The following ADTRP variants were observed in gnomAD, a reference collection of about 807,000 sequenced individuals.
The protein encoded by ADTRP is androgen dependent TFPI regulating protein.
Under a neutral mutation model 27.0 loss-of-function variants are expected in ADTRP, and 20 were observed. That is an observed-to-expected ratio of 0.74 (90% CI 0.52 to 1.08). The LOEUF (loss-of-function observed/expected upper bound fraction) is 1.08, where lower values mean the gene tolerates loss of function less well. Ranked by LOEUF, ADTRP falls within the 50% of genes least tolerant of loss-of-function variation. The pLI, the probability that ADTRP is intolerant of heterozygous loss-of-function variation, is 0.00. For missense variants in ADTRP, 251 were observed against 275.0 expected, an observed-to-expected ratio of 0.91 and a Z score of 0.62; for synonymous variants, 101 against 105.2, an observed-to-expected ratio of 0.96 and a Z score of 0.25.
At chr6:11,720,506 C>T (rs1019725380) in intron 5 of ADTRP, among the ~76,000 whole-genome samples, 2 of 150,450 alleles carry the variant, frequency 1.3e-5, no homozygotes, top group Non-Finnish European at 3.0e-5. Flanking sequence ...GAGTCTTGCT[C>T]AGTCACCCAG....
intron 1 of ADTRP, among the ~76,000 whole-genome samples, chr6:11,777,483 G>GT (rs1050384570): frequency 1.8e-5 from 1 of 54,718 alleles, no homozygotes; most frequent in African/African-American, 5.1e-5. Context: ...TGTGTGTGTG[G>GT]TTTTTTGTTG....
intron 3 of ADTRP, among the ~76,000 whole-genome samples, chr6:11,750,286 G>A (rs2235410): frequency 0.12 from 17,906 of 152,198 alleles, 1,631 homozygotes; most frequent in East Asian, 0.48. Flanking sequence ...CCTGAATGGC[G>A]GAAAATCCCA....
chr6:11,731,153 C>T (rs1290810942), intron 4 of ADTRP, among the ~76,000 whole-genome samples: 1 of 152,228 alleles, frequency 6.6e-6, no homozygotes, highest in Non-Finnish European at 1.5e-5. Flanking sequence ...CCTTGGAAAA[C>T]TGGACCAAGA....
Position 11,714,134 on chromosome 6 carries a change from T to C in ADTRP, c.*344A>G, listed in dbSNP as rs1761730915. On this transcript the variant is annotated 3_prime_UTR_variant, in exon 6 of 6. Coordinates refer to ENST00000414691, the MANE Select transcript of ADTRP (RefSeq NM_032744.4). ...TTCTCTGTAAACTGAAGAGTTTAAA[T>C]GACTCTAAGTTCCTCTCTCTCTCTC... The C allele has an allele frequency of 3.8e-6, 1 of 261,386 alleles. No homozygotes were observed. The highest frequency in any genetic ancestry group is 2.3e-5 in the African/African-American group (1 of 43,078). 16.2% of individuals were successfully genotyped at this position (261,386 alleles called of 1,614,324 possible). A position where few individuals can be genotyped will look rare whatever the true frequency, so the allele number is the denominator to read the frequency against.
chr6:11,748,764 G>T (rs565183388), intron 3 of ADTRP, among the ~76,000 whole-genome samples: 248 of 152,272 alleles, frequency 1.6e-3, no homozygotes, highest in African/African-American at 5.4e-3. Context: ...CTTGGGCAAG[G>T]GTGCAGTACG....
intron 5 of ADTRP, among the ~76,000 whole-genome samples, chr6:11,715,648 C>T (rs12111298): frequency 7.0e-4 from 85 of 121,154 alleles, no homozygotes; most frequent in African/African-American, 2.7e-3. Flanking sequence ...CTGTTTTTCC[C>T]TTTTTTTTTT....
At position 11,747,161 on chromosome 6, in the gene ADTRP, C is replaced by T. The variant is rs76441708; in HGVS notation, c.391-11478G>A. ...TGGCTCACTTCCTTATCATGGTCTT[C>T]TCAGGAAAAACTGAAACAAAATTTC... On this transcript the variant is annotated intron_variant, in intron 3 of 5. Coordinates refer to ENST00000414691, the MANE Select transcript of ADTRP (RefSeq NM_032744.4). Among the ~76,000 whole-genome samples, 941 of 152,276 alleles carry T rather than the reference C, an allele frequency of 6.2e-3. 13 individuals carry two copies. Among genetic ancestry groups the T allele is most frequent in the African/African-American group, 0.021 (882 of 41,538 alleles).
intron 3 of ADTRP, among the ~76,000 whole-genome samples, chr6:11,759,155 T>G (rs893525685): frequency 6.6e-6 from 1 of 152,148 alleles, no homozygotes; most frequent in African/African-American, 2.4e-5. Context: ...CCAAGCAATG[T>G]CTTTTGTTGG....
intron 4 of ADTRP, among the ~76,000 whole-genome samples, chr6:11,727,348 G>A (rs920037621): frequency 6.8e-6 from 1 of 147,340 alleles, no homozygotes; most frequent in Non-Finnish European, 1.5e-5. Flanking sequence ...GCGTTCCATG[G>A]ATGCATTACA....
At chr6:11,714,746 A>G (rs1406751375) in intron 5 of ADTRP, among the ~76,000 whole-genome samples, 88 of 152,234 alleles carry the variant, frequency 5.8e-4, no homozygotes, top group Non-Finnish European at 5.9e-5. Flanking sequence ...CCAGGCACCC[A>G]CGATGCTGTT....
At chr6:11,753,673 A>C (rs1763121933) in intron 3 of ADTRP, among the ~76,000 whole-genome samples, 2 of 152,244 alleles carry the variant, frequency 1.3e-5, no homozygotes, top group African/African-American at 4.8e-5. Flanking sequence ...TGGAGACAAA[A>C]GACCTTTATT....
intron 4 of ADTRP, among the ~76,000 whole-genome samples, chr6:11,733,726 G>C (rs2113897855): frequency 6.6e-6 from 1 of 152,264 alleles, no homozygotes; most frequent in East Asian, 1.9e-4. Context: ...ACCACTGAAT[G>C]GATAACGATG....
chr6:11,746,021 C>A (rs1187067755), intron 3 of ADTRP, among the ~76,000 whole-genome samples: 1 of 152,158 alleles, frequency 6.6e-6, no homozygotes, highest in Admixed American at 6.5e-5. Flanking sequence ...GAACTCCTGA[C>A]CTCAAGTGAT....
chr6:11,760,750 C>G (rs372871411), intron 3 of ADTRP, among the ~76,000 whole-genome samples: 3 of 152,204 alleles, frequency 2.0e-5, no homozygotes, highest in Non-Finnish European at 4.4e-5. Context: ...CTAAAACTCA[C>G]GTGCCTAAAT....
intron 3 of ADTRP, among the ~76,000 whole-genome samples, chr6:11,742,752 GT>G (rs1368380241): frequency 6.6e-6 from 1 of 152,190 alleles, no homozygotes; most frequent in African/African-American, 2.4e-5. Flanking sequence ...GCTCAATCAA[GT>G]GAAGGAGATG....
chr6:11,717,229 A>C, intron 5 of ADTRP: 218 of 1,250,788 alleles, frequency 1.7e-4, no homozygotes, highest in Non-Finnish European at 2.1e-4. Flanking sequence ...AGTTAGATTC[A>C]CCCCGACTTG....
At position 11,757,247 on chromosome 6, in the gene ADTRP, C is replaced by T. The variant is rs144553036; in HGVS notation, c.390+9027G>A. The stretch of plus-strand genomic sequence containing the variant: ...TAGTAAGTCATGGAAGTGATTCCAA[C>T]GCTAACCCACCCTATATGATGGCAA... On this transcript the variant is annotated intron_variant, in intron 3 of 5. Coordinates refer to ENST00000414691, the MANE Select transcript of ADTRP (RefSeq NM_032744.4). 1.1e-3 allele frequency among the ~76,000 whole-genome samples: 167 copies of T among 152,138 alleles called. 1 individual carries two copies. The East Asian group carries it at 0.021, about 19-fold the overall frequency.
At chr6:11,774,488 A>G (rs1042458092) in intron 1 of ADTRP, among the ~76,000 whole-genome samples, 3 of 152,104 alleles carry the variant, frequency 2.0e-5, no homozygotes, top group Admixed American at 2.0e-4. Context: ...CCCCAGCCCC[A>G]GGCCAGCAAC....
chr6:11,738,587 C>A (rs140964494), intron 3 of ADTRP: 1 of 152,360 alleles, frequency 6.6e-6, no homozygotes, highest in East Asian at 1.9e-4. Flanking sequence ...CAGCAGCTCC[C>A]GTCCTCTACA....
Sources: gnomAD v4.1 joint callset for allele counts (sites outside exome capture counted in the v4.1 genomes callset) on GRCh38, gnomAD v4.1.1 for gene constraint, MANE v1.5 for transcripts, NCBI Gene and HGNC (gene_info 2026-07-23, HGNC 2026-07-21) for gene names.